ATXN1: variants seen among roughly 807,000 people sequenced by gnomAD.
ATXN1 encodes the protein ataxin 1.
ATXN1 carries 8 observed loss-of-function variants against 56.4 expected under a neutral mutation model. The ratio of observed to expected loss-of-function variants is 0.14; its 90% confidence interval spans 0.08 to 0.26. The LOEUF (loss-of-function observed/expected upper bound fraction) is 0.26. Ranked by LOEUF, ATXN1 falls within the 10% of genes least tolerant of loss-of-function variation. The pLI, the probability that ATXN1 is intolerant of heterozygous loss-of-function variation, is 1.00. For synonymous variants in ATXN1, 514 were observed against 494.6 expected (o/e 1.04, Z -0.52); for missense variants, 987 against 1,106.5 (o/e 0.89, Z 1.53).
chr6:16,351,588 A>C (rs1319162532), intron 6 of ATXN1, among the ~76,000 whole-genome samples: 2 of 152,060 alleles, frequency 1.3e-5, no homozygotes, highest in Non-Finnish European at 2.9e-5. Context: ...GTTTTTGTAG[A>C]GACGGGGTTT....
rs779462358 is a variant in ATXN1 at position 16,306,660 on chromosome 6, A to G, written c.2117T>C (p.Val706Ala). Reference sequence around the variant, plus strand: ...GTCGGCCTTTGAGTGCTTCAGCAGGACGCTGGCGGGATCCACGGGCTGGCC... The same window carrying G: ...GTCGGCCTTTGAGTGCTTCAGCAGGGCGCTGGCGGGATCCACGGGCTGGCC... ...KKGQPVDPAS[V>A]LLKHSKADGL... The change falls in exon 8 of 8, where the codon GTC becomes GCC. Residue 706 changes from valine to alanine, a missense_variant. Transcript: ENST00000436367. This position sits in a 1 kb window ranked among gnomAD's most constrained non-coding sequence, Gnocchi z 5.2. 1 of 1,614,176 alleles carries G rather than the reference A, an allele frequency of 6.2e-7. No individual in the cohort carries two copies. Among genetic ancestry groups the G allele is most frequent in the Admixed American group, 1.7e-5 (1 of 60,012 alleles).
At chr6:16,313,135 A>C (rs1349713333) in intron 7 of ATXN1, among the ~76,000 whole-genome samples, 1 of 152,154 alleles carries the variant, frequency 6.6e-6, no homozygotes, top group Admixed American at 6.6e-5. Flanking sequence ...CTGCCTTGGC[A>C]TCCCAAAGTG....
At chr6:16,342,864 G>A (rs901063934) in intron 6 of ATXN1, among the ~76,000 whole-genome samples, 9 of 152,196 alleles carry the variant, frequency 5.9e-5, no homozygotes, top group Non-Finnish European at 4.4e-5. Context: ...GCAGGAGCTG[G>A]GAGGACGGGG....
chr6:16,743,478 C>T (rs906101864), intron 2 of ATXN1, among the ~76,000 whole-genome samples: 1 of 152,186 alleles, frequency 6.6e-6, no homozygotes, highest in Non-Finnish European at 1.5e-5. Flanking sequence ...CAATTATATA[C>T]ATCACAGTCC....
At chr6:16,599,271 G>C (rs531179681) in intron 3 of ATXN1, among the ~76,000 whole-genome samples, 97 of 152,272 alleles carry the variant, frequency 6.4e-4, no homozygotes, top group African/African-American at 2.1e-3. Flanking sequence ...AGGTGAACAG[G>C]CCACAGAGGA....
Position 16,326,933 on chromosome 6 carries a change from G to A in ATXN1, c.1378C>T (p.Pro460Ser). ...ATAFYAGTQP[P>S]VIGYLSGQQQ... ...TGGCCGCTCAGGTAGCCGATGACAGGGGGTTGAGTCCCTGCGTAGAAGGCC... is the reference window on the plus strand; with the variant it reads ...TGGCCGCTCAGGTAGCCGATGACAGAGGGTTGAGTCCCTGCGTAGAAGGCC... The change falls in exon 7 of 8, where the codon CCT becomes TCT. Residue 460 changes from proline to serine, a missense_variant. By Grantham distance (74) the Pro-to-Ser change is moderately conservative (BLOSUM62 -1). Around this residue, in one of 3 missense-constraint regions of ATXN1, gnomAD observed 723 missense variants for 791.7 expected, o/e 0.91. Transcript: ENST00000436367. The surrounding 1 kb of genome is among the most constrained non-coding windows in gnomAD (Gnocchi z 6.6). 2 of 1,614,090 alleles carry A rather than the reference G, an allele frequency of 1.2e-6. No homozygotes were observed. Among genetic ancestry groups the A allele is most frequent in the Non-Finnish European group, 1.7e-6 (2 of 1,180,010 alleles).
intron 2 of ATXN1, among the ~76,000 whole-genome samples, 170 bp from the exon 3 acceptor site, chr6:16,658,071 G>A (rs1758242357): frequency 6.6e-6 from 1 of 151,932 alleles, no homozygotes. Context: ...TACATAAGGT[G>A]CCCTAAAATA....
At chr6:16,757,151 T>C (rs1035299893) in intron 1 of ATXN1, among the ~76,000 whole-genome samples, 1 of 152,256 alleles carries the variant, frequency 6.6e-6, no homozygotes, top group Non-Finnish European at 1.5e-5. Flanking sequence ...AAAGAGTTTC[T>C]GTTTAATCTT....
intron 4 of ATXN1, among the ~76,000 whole-genome samples, chr6:16,579,624 G>A (rs1382110086): frequency 6.6e-6 from 1 of 152,048 alleles, no homozygotes; most frequent in Non-Finnish European, 1.5e-5. Flanking sequence ...AAAGCACACG[G>A]CATCAGCACT....
chr6:16,607,085 A>G (rs1763023668), intron 3 of ATXN1, among the ~76,000 whole-genome samples: 1 of 40,026 alleles, frequency 2.5e-5, no homozygotes, highest in African/African-American at 6.3e-5. Context: ...ATGGGGTTTC[A>G]CCAGTTTAAA....
At chr6:16,669,899 C>T (rs1028276949) in intron 2 of ATXN1, among the ~76,000 whole-genome samples, 4 of 152,100 alleles carry the variant, frequency 2.6e-5, no homozygotes, top group African/African-American at 4.8e-5. Context: ...TCCACATTCA[C>T]ATTGGTGATG....
chr6:16,359,567 A>T (rs2113472747), intron 6 of ATXN1, among the ~76,000 whole-genome samples: 1 of 152,072 alleles, frequency 6.6e-6, no homozygotes, highest in East Asian at 1.9e-4. Context: ...AGACCTGCAG[A>T]ATGACTTGCC....
At chr6:16,524,008 G>C (rs1311015349) in intron 4 of ATXN1, among the ~76,000 whole-genome samples, 2 of 152,238 alleles carry the variant, frequency 1.3e-5, no homozygotes, top group Non-Finnish European at 2.9e-5. Flanking sequence ...TGTTCTGTGG[G>C]CAAGTTTCCC....
chr6:16,528,897 A>G (rs554124528), intron 4 of ATXN1, among the ~76,000 whole-genome samples: 3 of 152,292 alleles, frequency 2.0e-5, no homozygotes, highest in Non-Finnish European at 4.4e-5. Context: ...AAGCACTTGC[A>G]GCCGGGCACA....
Position 16,306,200 on chromosome 6 carries a change from G to T in ATXN1, c.*129C>A. 8.5e-7 allele frequency: 1 copy of T among 1,178,310 alleles called. No individual in the cohort carries two copies. Among genetic ancestry groups the T allele is most frequent in the Non-Finnish European group, 1.2e-6 (1 of 843,764 alleles). The allele number at this position is 1,178,310 out of a possible 1,614,324, so 73.0% of individuals were successfully genotyped here. On this transcript the variant is annotated 3_prime_UTR_variant, in exon 8 of 8. Transcript: ENST00000436367. This position sits in a 1 kb window ranked among gnomAD's most constrained non-coding sequence, Gnocchi z 5.2. ...GCGACACACCTGCTGTAACTCTAAT[G>T]ACAAGGTTAGAACAGAAACCTAAAA...
At chr6:16,721,498 G>A (rs1220365071) in intron 2 of ATXN1, among the ~76,000 whole-genome samples, 1 of 152,018 alleles carries the variant, frequency 6.6e-6, no homozygotes, top group Non-Finnish European at 1.5e-5. Context: ...ATGGTGGCAC[G>A]TCCTTGTAGT....
intron 3 of ATXN1, among the ~76,000 whole-genome samples, chr6:16,595,691 G>A (rs149246876): frequency 1.4e-4 from 22 of 152,336 alleles, no homozygotes; most frequent in African/African-American, 5.1e-4. Context: ...AGGGGAGAGG[G>A]AGGAATGAGA....
chr6:16,353,450 G>T (rs1442454190), intron 6 of ATXN1, among the ~76,000 whole-genome samples: 1 of 152,064 alleles, frequency 6.6e-6, no homozygotes, highest in African/African-American at 2.4e-5. Context: ...TGAGGTGGGC[G>T]GATCTTGGGG....
intron 2 of ATXN1, among the ~76,000 whole-genome samples, chr6:16,750,710 T>C (rs1490526196): frequency 6.6e-6 from 1 of 152,216 alleles, no homozygotes; most frequent in Non-Finnish European, 1.5e-5. Flanking sequence ...CTGCCCATAT[T>C]GACCAAGAGA....
Sources: allele counts gnomAD v4.1 joint callset (sites outside exome capture counted in the v4.1 genomes callset), GRCh38; gene constraint gnomAD v4.1.1; regional missense constraint gnomAD v4.1.1; non-coding constraint Gnocchi (gnomAD v3.1); transcripts MANE v1.5; gene names NCBI Gene and HGNC (gene_info 2026-07-23, HGNC 2026-07-21).